The following PDE3A variants were observed in gnomAD, a reference collection of about 807,000 sequenced individuals.
PDE3A encodes the protein phosphodiesterase 3A.
In PDE3A, 43 loss-of-function variants were observed where a neutral mutation model predicts 98.3. The observed-to-expected ratio is 0.44, with a 90% CI of 0.34 to 0.56. PDE3A has a LOEUF of 0.56. PDE3A is among the 20% of genes least tolerant of loss of function. The pLI is 0.01. For missense variants in PDE3A, 1,427 were observed against 1,440.7 expected (o/e 0.99, Z 0.15); for synonymous variants, 663 against 567.9 (o/e 1.17, Z -2.38).
intron 1 of PDE3A, among the ~76,000 whole-genome samples, chr12:20,423,273 G>C (rs1274177333): frequency 6.6e-6 from 1 of 152,178 alleles, no homozygotes; most frequent in East Asian, 1.9e-4. Flanking sequence ...ATTAGATATT[G>C]TGTGTGTCAG....
chr12:20,479,208 T>G (rs1945581120), intron 1 of PDE3A, among the ~76,000 whole-genome samples: 2 of 152,234 alleles, frequency 1.3e-5, no homozygotes, highest in African/African-American at 4.8e-5. Flanking sequence ...CTTAAAAGGT[T>G]AATAGACATT....
intron 1 of PDE3A, among the ~76,000 whole-genome samples, chr12:20,394,713 C>T (rs1043214580): frequency 6.6e-6 from 1 of 151,994 alleles, no homozygotes; most frequent in African/African-American, 2.4e-5. Context: ...ATCTTTTATT[C>T]TGCTTCTACT....
chr12:20,385,620 T>C (rs1273561967), intron 1 of PDE3A, among the ~76,000 whole-genome samples: 1 of 151,746 alleles, frequency 6.6e-6, no homozygotes, highest in Non-Finnish European at 1.5e-5. Flanking sequence ...TAAAAAATGA[T>C]GAGTTCATAT....
intron 11 of PDE3A, 62 bp downstream of exon 11, chr12:20,646,665 TG>T (rs1944784486): frequency 1.4e-6 from 2 of 1,433,798 alleles, no homozygotes; most frequent in Admixed American, 1.7e-5. Flanking sequence ...TTTTTGTTTT[TG>T]TTTTTTTTCA....
At chr12:20,596,429 T>C (rs1329661648) in intron 2 of PDE3A, among the ~76,000 whole-genome samples, 1 of 152,180 alleles carries the variant, frequency 6.6e-6, no homozygotes, top group Non-Finnish European at 1.5e-5. Flanking sequence ...TATTTTTTAA[T>C]TGTCTCATAA....
chr12:20,458,628 T>C lies in PDE3A; in HGVS notation c.960+88384T>C, dbSNP rs114835629. Among the ~76,000 whole-genome samples the C allele has an allele frequency of 6.5e-3, 995 of 152,264 alleles. 5 individuals are homozygous for C. Among genetic ancestry groups the C allele is most frequent in the African/African-American group, 0.021 (886 of 41,566 alleles). ...AAAACTGGCAAGAATGCCTTTCTTG[T>C]CTTTCTACCTACTGTCAGACAAGTA... On this transcript the variant is annotated intron_variant, in intron 1 of 15. Transcript: ENST00000359062.
intron 1 of PDE3A, among the ~76,000 whole-genome samples, chr12:20,389,692 G>T (rs1283608661): frequency 6.6e-6 from 1 of 151,958 alleles, no homozygotes; most frequent in Non-Finnish European, 1.5e-5. Context: ...AGTAACAAAT[G>T]ATTATACTGC....
chr12:20,614,903 A>T (rs1057138528), intron 3 of PDE3A, among the ~76,000 whole-genome samples: 2 of 151,926 alleles, frequency 1.3e-5, no homozygotes, highest in African/African-American at 4.8e-5. Context: ...AGGAGTGATT[A>T]GCCGCAGATA....
At chr12:20,383,669 T>C (rs1943698835) in intron 1 of PDE3A, among the ~76,000 whole-genome samples, 1 of 151,956 alleles carries the variant, frequency 6.6e-6, no homozygotes, top group African/African-American at 2.4e-5. Context: ...TTGGTTTCAG[T>C]TTATAAATTC....
At chr12:20,524,986 G>A (rs926471946) in intron 1 of PDE3A, among the ~76,000 whole-genome samples, 1 of 152,092 alleles carries the variant, frequency 6.6e-6, no homozygotes, top group Non-Finnish European at 1.5e-5. Context: ...AATACAAAAA[G>A]CCAGACATGG....
chr12:20,484,432 C>T (rs1945686588), intron 1 of PDE3A, among the ~76,000 whole-genome samples: 1 of 152,170 alleles, frequency 6.6e-6, no homozygotes, highest in African/African-American at 2.4e-5. Flanking sequence ...ACGTATCTCT[C>T]TTGTACAATT....
chr12:20,572,452 C>A (rs1374091356), intron 2 of PDE3A, among the ~76,000 whole-genome samples: 1 of 152,020 alleles, frequency 6.6e-6, no homozygotes, highest in African/African-American at 2.4e-5. Flanking sequence ...TAACTTAGAA[C>A]TGTTCACTAA....
intron 15 of PDE3A, among the ~76,000 whole-genome samples, chr12:20,665,055 A>G (rs1945274364): frequency 1.3e-5 from 2 of 152,040 alleles, no homozygotes; most frequent in South Asian, 4.1e-4. Flanking sequence ...CCCTGTCCTA[A>G]TCCAGTCACC....
At chr12:20,569,018 T>C (rs571982174) in intron 2 of PDE3A, among the ~76,000 whole-genome samples, 3 of 152,168 alleles carry the variant, frequency 2.0e-5, no homozygotes, top group African/African-American at 7.2e-5. Flanking sequence ...GCCACCACAT[T>C]AATAAATATG....
intron 1 of PDE3A, among the ~76,000 whole-genome samples, chr12:20,474,388 C>G (rs1169214220): frequency 6.6e-6 from 1 of 152,142 alleles, no homozygotes; most frequent in South Asian, 2.1e-4. Context: ...AATTTTCACT[C>G]TCTTTAAAGT....
intron 1 of PDE3A, among the ~76,000 whole-genome samples, chr12:20,477,943 C>T (rs1193765413): frequency 1.3e-5 from 2 of 152,126 alleles, no homozygotes; most frequent in African/African-American, 2.4e-5. Context: ...CCTTCCAGAT[C>T]GCATCTTCTG....
chr12:20,674,082 A>G (rs78547408), intron 15 of PDE3A, among the ~76,000 whole-genome samples: 5,739 of 152,134 alleles, frequency 0.038, 170 homozygotes, highest in Middle Eastern at 0.18. Context: ...AGCTATTGTA[A>G]AAGGGATTGC....
intron 2 of PDE3A, among the ~76,000 whole-genome samples, chr12:20,571,471 C>T (rs1942801049): frequency 6.6e-6 from 1 of 152,136 alleles, no homozygotes; most frequent in African/African-American, 2.4e-5. Context: ...ATACATGATC[C>T]TTTTAAGCCC....
chr12:20,409,385 T>G lies in PDE3A; in HGVS notation c.960+39141T>G, dbSNP rs111547580. The stretch of plus-strand genomic sequence containing the variant: ...TGTATTTCTCAGATTTGAATATATT[T>G]GTTATTATTAGCTCTCTTATTTAAA... On this transcript the variant is annotated intron_variant, in intron 1 of 15. Transcript: ENST00000359062. Among the ~76,000 whole-genome samples the G allele has an allele frequency of 4.6e-5, 7 of 152,274 alleles. 1 individual carries two copies. Among genetic ancestry groups the G allele is most frequent in the African/African-American group, 1.7e-4 (7 of 41,570 alleles).
Sources: allele counts gnomAD v4.1 joint callset (sites outside exome capture counted in the v4.1 genomes callset), GRCh38; gene constraint gnomAD v4.1.1; transcripts MANE v1.5; gene names NCBI Gene and HGNC (gene_info 2026-07-23, HGNC 2026-07-21).